The following RTL4 variants were observed in gnomAD, a reference collection of about 807,000 sequenced individuals.
RTL4 encodes retrotransposon Gag-like protein 4.
RTL4 carries 4 observed loss-of-function variants against 5.3 expected under a neutral mutation model. The ratio of observed to expected loss-of-function variants is 0.75; its 90% CI spans 0.37 to 1.72. The LOEUF (loss-of-function observed/expected upper bound fraction) is 1.72. Ranked by LOEUF, RTL4 falls within the 40% of genes most tolerant of loss-of-function variation. The pLI is 0.04. For missense variants in RTL4, 260 were observed against 227.1 expected (o/e 1.14, Z -0.93); for synonymous variants, 98 against 87.3 (o/e 1.12, Z -0.68).
the RTL4 span, among the ~76,000 whole-genome samples, chrX:112,154,170 A>G: frequency 1.8e-5 from 2 of 111,110 alleles, no homozygotes; most frequent in Non-Finnish European, 3.8e-5. Flanking sequence ...CAATTCCAGA[A>G]TTTCTATTTG....
the RTL4 span, among the ~76,000 whole-genome samples, chrX:112,337,274 T>G: frequency 8.9e-6 from 1 of 111,850 alleles, no homozygotes; most frequent in Non-Finnish European, 1.9e-5. Context: ...TAGAAAATAA[T>G]TATTTATTTT....
At chrX:112,349,981 T>C in the RTL4 span, among the ~76,000 whole-genome samples, 1 of 110,623 alleles carries the variant, frequency 9.0e-6, no homozygotes, top group Non-Finnish European at 1.9e-5. Context: ...GCCCATTCAG[T>C]ATGATATTGG....
the RTL4 span, among the ~76,000 whole-genome samples, chrX:112,402,933 G>A: frequency 9.0e-6 from 1 of 111,556 alleles, no homozygotes; most frequent in Non-Finnish European, 1.9e-5. Flanking sequence ...AAAGAAAGCA[G>A]GGAACTGTGA....
chrX:112,249,792 T>TAGAGAG, the RTL4 span, among the ~76,000 whole-genome samples: 17 of 96,743 alleles, frequency 1.8e-4, no homozygotes, highest in Non-Finnish European at 2.9e-4. Flanking sequence ...TATATATATA[T>TAGAGAG]AGAGAGAGAG....
the RTL4 span, among the ~76,000 whole-genome samples, chrX:112,088,263 T>G: frequency 2.9e-5 from 3 of 105,009 alleles, no homozygotes; most frequent in Non-Finnish European, 3.9e-5. Context: ...TTTCTATGGA[T>G]TCAGCTATTC....
chrX:112,374,086 A>G, the RTL4 span, among the ~76,000 whole-genome samples: 1 of 110,850 alleles, frequency 9.0e-6, no homozygotes, highest in Non-Finnish European at 1.9e-5. Flanking sequence ...AGTGTGAAAA[A>G]TGTTTGCCTA....
the RTL4 span, among the ~76,000 whole-genome samples, chrX:112,368,241 T>A: frequency 9.0e-6 from 1 of 111,209 alleles, no homozygotes; most frequent in African/African-American, 3.3e-5. Context: ...ACAGTGGGTG[T>A]GTTAGTGAAG....
the RTL4 span, among the ~76,000 whole-genome samples, chrX:112,328,487 G>A: frequency 9.0e-6 from 1 of 111,417 alleles, no homozygotes; most frequent in African/African-American, 3.3e-5. Context: ...ACCCAATACA[G>A]GAGCACCCAG....
At chrX:112,120,909 A>G in the RTL4 span, among the ~76,000 whole-genome samples, 1 of 111,674 alleles carries the variant, frequency 9.0e-6, no homozygotes, top group Non-Finnish European at 1.9e-5. Context: ...GTGCCTCTTT[A>G]TTAAGCCAGA....
chrX:112,280,933 C>T, the RTL4 span, among the ~76,000 whole-genome samples: 4 of 111,356 alleles, frequency 3.6e-5, no homozygotes, highest in African/African-American at 1.3e-4. Context: ...ACTATGTGTG[C>T]ATTTTGGGAT....
At chrX:112,232,086 A>G in the RTL4 span, among the ~76,000 whole-genome samples, 1 of 112,101 alleles carries the variant, frequency 8.9e-6, no homozygotes, top group African/African-American at 3.2e-5. Flanking sequence ...CAAGTGGACC[A>G]GTGAGGTTAC....
the RTL4 span, among the ~76,000 whole-genome samples, chrX:112,188,647 C>T: frequency 4.2e-4 from 47 of 111,115 alleles, no homozygotes; most frequent in South Asian, 8.5e-3. Flanking sequence ...TAGGCTTTTA[C>T]GGCCTTCCAC....
At chrX:112,358,319 G>T in the RTL4 span, among the ~76,000 whole-genome samples, 1 of 107,728 alleles carries the variant, frequency 9.3e-6, no homozygotes, top group African/African-American at 3.4e-5. Context: ...ATGTTGGTCA[G>T]GCTGGTCTCC....
the RTL4 span, among the ~76,000 whole-genome samples, chrX:112,108,088 G>T: frequency 4.5e-5 from 5 of 111,084 alleles, no homozygotes; most frequent in African/African-American, 1.6e-4. Context: ...CAGTTCTGCT[G>T]TGGATGCTCT....
At chrX:112,393,481 C>G in the RTL4 span, among the ~76,000 whole-genome samples, 5 of 111,754 alleles carry the variant, frequency 4.5e-5, no homozygotes, top group African/African-American at 1.6e-4. Context: ...GGTTTCAAAT[C>G]TTTGTCAGCT....
chrX:112,351,370 T>A, the RTL4 span, among the ~76,000 whole-genome samples: 36,021 of 107,625 alleles, frequency 0.33, 6,617 homozygotes, highest in African/African-American at 0.67. Flanking sequence ...AGTTCTGTAG[T>A]TGTCTTTTAG....
chrX:112,380,469 A>C, the RTL4 span, among the ~76,000 whole-genome samples: 3 of 112,022 alleles, frequency 2.7e-5, no homozygotes, highest in Non-Finnish European at 5.6e-5. Context: ...AATTTTTTTA[A>C]ACCTTTTATC....
the RTL4 span, among the ~76,000 whole-genome samples, chrX:112,169,046 T>TTCTTTCTTTCTTTCTTTCTTTCTG: frequency 3.1e-3 from 103 of 33,655 alleles, no homozygotes; most frequent in African/African-American, 8.4e-3. Flanking sequence ...CTTTCTTTCT[T>TTCTTTCTTTCTTTCTTTCTTTCTG]TCTTTCTTTC....
At chrX:112,425,473 G>A in the RTL4 span, among the ~76,000 whole-genome samples, 1 of 111,016 alleles carries the variant, frequency 9.0e-6, no homozygotes, top group African/African-American at 3.3e-5. Flanking sequence ...CATATGGTAA[G>A]AGGACGATTA....
Sources: gnomAD v4.1 joint callset for allele counts (sites outside exome capture counted in the v4.1 genomes callset) on GRCh38, gnomAD v4.1.1 for gene constraint, MANE v1.5 for transcripts, NCBI Gene and HGNC (gene_info 2026-07-23, HGNC 2026-07-21) for gene names.